TMEM132D: variants seen among roughly 807,000 people sequenced by gnomAD.
TMEM132D encodes mature OL transmembrane protein.
Under a neutral mutation model 62.3 loss-of-function variants are expected in TMEM132D, and 21 were observed. That is an observed-to-expected ratio of 0.34 (90% CI 0.24 to 0.49). The LOEUF is 0.49. Ranked by LOEUF, TMEM132D falls within the 20% of genes least tolerant of loss-of-function variation. TMEM132D has a pLI of 0.99. For missense variants in TMEM132D, 1,346 were observed against 1,402.8 expected, an observed-to-expected ratio of 0.96 and a Z score of 0.65; for synonymous variants, 621 against 575.6, an observed-to-expected ratio of 1.08 and a Z score of -1.13.
At chr12:129,576,623 T>C (rs200570347) in intron 2 of TMEM132D, among the ~76,000 whole-genome samples, 2 of 140,056 alleles carry the variant, frequency 1.4e-5, no homozygotes, top group Non-Finnish European at 3.2e-5. Flanking sequence ...CACACACATA[T>C]ATATGCAGTT....
At chr12:129,387,448 CTAACAG>C (rs145319955) in intron 3 of TMEM132D, among the ~76,000 whole-genome samples, 15,836 of 151,958 alleles carry the variant, frequency 0.1, 1,056 homozygotes, top group African/African-American at 0.19. Context: ...AATACTAACA[CTAACAG>C]TAATACTATG....
At chr12:129,727,000 G>A (rs1221254878) in intron 1 of TMEM132D, among the ~76,000 whole-genome samples, 1 of 152,132 alleles carries the variant, frequency 6.6e-6, no homozygotes, top group African/African-American at 2.4e-5. Context: ...ATTTGCTATG[G>A]GTGCTATGGG....
chr12:129,378,971 G>A (rs116113019), intron 3 of TMEM132D, among the ~76,000 whole-genome samples: 2 of 151,612 alleles, frequency 1.3e-5, no homozygotes, highest in East Asian at 3.9e-4. Context: ...ACTCAGGAAG[G>A]GGGGGACACT....
At chr12:129,214,688 A>G (rs1457078863) in intron 4 of TMEM132D, among the ~76,000 whole-genome samples, 2 of 152,238 alleles carry the variant, frequency 1.3e-5, no homozygotes, top group Non-Finnish European at 2.9e-5. Context: ...AGACACACAG[A>G]CAATACTCAC....
chr12:129,369,915 C>G (rs1870541499), intron 3 of TMEM132D, among the ~76,000 whole-genome samples: 1 of 152,160 alleles, frequency 6.6e-6, no homozygotes, highest in South Asian at 2.1e-4. Flanking sequence ...GAAGGGATCT[C>G]AAATTCAAAT....
At chr12:129,390,884 T>C (rs1297549251) in intron 3 of TMEM132D, among the ~76,000 whole-genome samples, 3 of 152,218 alleles carry the variant, frequency 2.0e-5, no homozygotes, top group Non-Finnish European at 4.4e-5. Flanking sequence ...GCTTCATAAC[T>C]TTCATTATCT....
intron 3 of TMEM132D, among the ~76,000 whole-genome samples, chr12:129,487,908 A>G (rs1442485322): frequency 1.4e-5 from 2 of 141,470 alleles, no homozygotes; most frequent in African/African-American, 2.7e-5. Context: ...CTGTACTCCA[A>G]CCTGGGCAAC....
chr12:129,236,514 C>CAAAAAA (rs60745384), intron 4 of TMEM132D, among the ~76,000 whole-genome samples: 2 of 67,070 alleles, frequency 3.0e-5, no homozygotes, highest in African/African-American at 1.1e-4. Context: ...GACTCCATCT[C>CAAAAAA]AAAAAAAAAA....
chr12:129,450,335 G>C (rs1265199581), intron 3 of TMEM132D, among the ~76,000 whole-genome samples: 2 of 151,986 alleles, frequency 1.3e-5, no homozygotes, highest in African/African-American at 4.8e-5. Context: ...TTATAGTTTT[G>C]GGTTTTACAT....
chr12:129,186,876 T>G (rs10773604), intron 5 of TMEM132D, among the ~76,000 whole-genome samples: 1 of 152,098 alleles, frequency 6.6e-6, no homozygotes, highest in African/African-American at 2.4e-5. Context: ...ATTTCAATTA[T>G]GAAATTTAAA....
chr12:129,479,368 T>TAG (rs1466261278), intron 3 of TMEM132D, among the ~76,000 whole-genome samples: 4 of 152,112 alleles, frequency 2.6e-5, no homozygotes, highest in Non-Finnish European at 5.9e-5. Context: ...AGAATCTTTA[T>TAG]TACTAGTTGA....
chr12:129,134,283 T>A (rs114751598), intron 5 of TMEM132D, among the ~76,000 whole-genome samples: 1,801 of 152,286 alleles, frequency 0.012, 25 homozygotes, highest in African/African-American at 0.035. Flanking sequence ...AAACCCAAAT[T>A]ACAAATGACA....
At chr12:129,419,902 G>C (rs1468521380) in intron 3 of TMEM132D, among the ~76,000 whole-genome samples, 1 of 152,026 alleles carries the variant, frequency 6.6e-6, no homozygotes, top group Non-Finnish European at 1.5e-5. Context: ...GGGAGGGGGT[G>C]GGTCACTTGA....
At chr12:129,853,660 T>A (rs962516235) in intron 1 of TMEM132D, 1 of 152,196 alleles carries the variant, frequency 6.6e-6, no homozygotes, top group East Asian at 1.9e-4. Flanking sequence ...GATTTGCATT[T>A]GTAGGGCCAA....
intron 6 of TMEM132D, among the ~76,000 whole-genome samples, chr12:129,082,518 TGA>T (rs1874487117): frequency 6.6e-6 from 1 of 152,150 alleles, no homozygotes; most frequent in African/African-American, 2.4e-5. Flanking sequence ...AGCTAGAAGC[TGA>T]GAGTGACCTC....
chr12:129,245,567 T>G (rs1880075585), intron 4 of TMEM132D, among the ~76,000 whole-genome samples: 1 of 151,894 alleles, frequency 6.6e-6, no homozygotes, highest in Non-Finnish European at 1.5e-5. Flanking sequence ...TTTTTTTTTT[T>G]GGAATAAAGA....
At chr12:129,129,394 G>C (rs1411766763) in intron 5 of TMEM132D, among the ~76,000 whole-genome samples, 2 of 152,134 alleles carry the variant, frequency 1.3e-5, no homozygotes, top group African/African-American at 4.8e-5. Flanking sequence ...ATCCACTGTT[G>C]ATGGGCACGT....
intron 4 of TMEM132D, among the ~76,000 whole-genome samples, chr12:129,265,269 C>A (rs1213224033): frequency 6.6e-6 from 1 of 152,120 alleles, no homozygotes; most frequent in Non-Finnish European, 1.5e-5. Context: ...ACCATGTAGA[C>A]TGAGGGTGGG....
chr12:129,900,843 G>A (rs1875328388), intron 1 of TMEM132D, among the ~76,000 whole-genome samples: 1 of 152,100 alleles, frequency 6.6e-6, no homozygotes, highest in Non-Finnish European at 1.5e-5. Flanking sequence ...AGGCTGCTGG[G>A]GAAACTCCGT....
Sources: gnomAD v4.1 joint callset for allele counts (sites outside exome capture counted in the v4.1 genomes callset) on GRCh38, gnomAD v4.1.1 for gene constraint, MANE v1.5 for transcripts, NCBI Gene and HGNC (gene_info 2026-07-23, HGNC 2026-07-21) for gene names.